The following COMMD1 variants were observed in gnomAD, a reference collection of about 807,000 sequenced individuals.
The protein encoded by COMMD1 is copper metabolism domain containing 1, also known as COMM domain-containing protein 1.
COMMD1 carries 10 observed loss-of-function variants against 17.2 expected under a neutral mutation model. That is an observed-to-expected ratio of 0.58 (90% CI 0.36 to 0.99). The LOEUF is 0.99. Ranked by LOEUF, COMMD1 falls within the 50% of genes least tolerant of loss-of-function variation. The pLI is 0.01. For synonymous variants in COMMD1, 97 were observed against 91.6 expected, an observed-to-expected ratio of 1.06 and a Z score of -0.34; for missense variants, 270 against 231.8, an observed-to-expected ratio of 1.17 and a Z score of -1.07.
rs113859756 is a variant in COMMD1, at chr2:61,951,335, C to T, written c.180+45477C>T. ...AAAAATTAGGCATGGTGGCGCGTGC[C>T]TGTAGTCCTAGCTACTTGGGAGGCT... On this transcript the variant is annotated intron_variant, in intron 1 of 2. Transcript: ENST00000311832. Among the ~76,000 whole-genome samples, 763 of 152,212 alleles carry T rather than the reference C, an allele frequency of 5.0e-3. 9 individuals carry two copies. Among genetic ancestry groups the T allele is most frequent in the African/African-American group, 0.016 (682 of 41,534 alleles).
At chr2:61,937,176 A>T (rs973269966) in intron 1 of COMMD1, among the ~76,000 whole-genome samples, 1 of 152,158 alleles carries the variant, frequency 6.6e-6, no homozygotes, top group Non-Finnish European at 1.5e-5. Flanking sequence ...TAGATTATAA[A>T]TGTTTCTTAT....
At chr2:62,105,134 A>G (rs1399840263) in intron 2 of COMMD1, among the ~76,000 whole-genome samples, 1 of 151,622 alleles carries the variant, frequency 6.6e-6, no homozygotes, top group Non-Finnish European at 1.5e-5. Context: ...TCAAAAAAAA[A>G]AAAAGAAAAA....
At chr2:62,030,732 C>A (rs931309128) in intron 2 of COMMD1, among the ~76,000 whole-genome samples, 5 of 152,014 alleles carry the variant, frequency 3.3e-5, no homozygotes, top group African/African-American at 1.2e-4. Flanking sequence ...TTTGCTGAAG[C>A]TTTAGAAGCC....
rs938871714 is a variant in COMMD1 at position 62,064,772 on chromosome 2, TCTAA to T, written c.462+63792_462+63795del. Among the ~76,000 whole-genome samples the T allele has an allele frequency of 2.7e-4, 41 of 152,326 alleles. 1 individual carries two copies. The highest frequency in any genetic ancestry group is 9.9e-4 in the African/African-American group (41 of 41,576). The stretch of plus-strand genomic sequence containing the variant: ...TTATTTCAAAAGAGGTATTTATTTA[TCTAA>T]CCTTTCTAAATTTTTAAAAGTTTTT... On this transcript the variant is annotated intron_variant, in intron 2 of 2. Transcript: ENST00000311832.
intron 2 of COMMD1, among the ~76,000 whole-genome samples, chr2:62,116,381 G>A (rs549424362): frequency 6.6e-5 from 10 of 152,226 alleles, no homozygotes; most frequent in African/African-American, 2.2e-4. Flanking sequence ...TAGTTAAGAT[G>A]TTTTTCTTGG....
chr2:61,896,604 T>G (rs1309897941), intron 1 of COMMD1, among the ~76,000 whole-genome samples: 1 of 152,014 alleles, frequency 6.6e-6, no homozygotes, highest in Non-Finnish European at 1.5e-5. Context: ...AATCTGATCT[T>G]GTTATTACTC....
At chr2:61,974,573 T>G (rs1294337850) in intron 1 of COMMD1, among the ~76,000 whole-genome samples, 1 of 147,694 alleles carries the variant, frequency 6.8e-6, no homozygotes, top group Non-Finnish European at 1.5e-5. Flanking sequence ...CTCAGGAGGC[T>G]GAGGCAGAGA....
chr2:61,990,889 AAAAT>A (rs1161680314), intron 1 of COMMD1, among the ~76,000 whole-genome samples: 369 of 98,226 alleles, frequency 3.8e-3, no homozygotes, highest in African/African-American at 0.013. Context: ...AAAAAAAAAA[AAAAT>A]ATATATATAT....
chr2:61,937,335 G>A (rs1670630687), intron 1 of COMMD1, among the ~76,000 whole-genome samples: 2 of 152,090 alleles, frequency 1.3e-5, no homozygotes, highest in South Asian at 4.2e-4. Flanking sequence ...GAGAGCCTTC[G>A]AATTTTCCCC....
At chr2:61,958,287 A>G (rs1319940866) in intron 1 of COMMD1, among the ~76,000 whole-genome samples, 1 of 134,924 alleles carries the variant, frequency 7.4e-6, no homozygotes, top group Non-Finnish European at 1.6e-5. Context: ...TTTTTTTGAG[A>G]TGAAGTTTTG....
intron 2 of COMMD1, among the ~76,000 whole-genome samples, chr2:62,083,624 TTTTG>T (rs1293677083): frequency 6.6e-6 from 1 of 152,262 alleles, no homozygotes; most frequent in East Asian, 1.9e-4. Context: ...ATTCAACTTT[TTTTG>T]TTCCTCTGTT....
At chr2:62,027,656 GTTGTGTTATGTTA>G (rs1669798349) in intron 2 of COMMD1, among the ~76,000 whole-genome samples, 1 of 131,958 alleles carries the variant, frequency 7.6e-6, no homozygotes, top group Non-Finnish European at 1.5e-5. Flanking sequence ...GTTATGTTAT[GTTGTGTTATGTTA>G]TGTTATGTTA....
At chr2:62,002,950 T>G (rs2103810390) in intron 2 of COMMD1, among the ~76,000 whole-genome samples, 1 of 152,134 alleles carries the variant, frequency 6.6e-6, no homozygotes, top group African/African-American at 2.4e-5. Context: ...GTCAGTTCTC[T>G]TGCTGGGCAC....
At chr2:61,979,345 C>T (rs1009641178) in intron 1 of COMMD1, among the ~76,000 whole-genome samples, 1 of 151,998 alleles carries the variant, frequency 6.6e-6, no homozygotes, top group Non-Finnish European at 1.5e-5. Context: ...GGCATGGTGG[C>T]AGGTACCTGT....
chr2:61,892,763 A>G (rs1669463490), intron 1 of COMMD1, among the ~76,000 whole-genome samples: 1 of 151,428 alleles, frequency 6.6e-6, no homozygotes, highest in Non-Finnish European at 1.5e-5. Context: ...GTTTTACTCC[A>G]ATTCAAAGAC....
chr2:61,903,455 A>G (rs111566998), upstream of COMMD1, among the ~76,000 whole-genome samples: 9,670 of 152,056 alleles, frequency 0.064, 562 homozygotes, highest in African/African-American at 0.15. Flanking sequence ...AAAAAAAAAA[A>G]AAGAATACCT....
chr2:61,965,651 A>C (rs1157895663), intron 1 of COMMD1, among the ~76,000 whole-genome samples: 3 of 152,222 alleles, frequency 2.0e-5, no homozygotes, highest in Non-Finnish European at 4.4e-5. Context: ...AAAGGTTTAC[A>C]AATGTACCAG....
At chr2:61,929,180 T>A (rs1398030451) in intron 1 of COMMD1, among the ~76,000 whole-genome samples, 1 of 152,230 alleles carries the variant, frequency 6.6e-6, no homozygotes, top group East Asian at 1.9e-4. Context: ...CAATAATTAT[T>A]TGAATTACTG....
At chr2:61,912,896 A>G (rs954344124) in intron 1 of COMMD1, among the ~76,000 whole-genome samples, 10 of 152,204 alleles carry the variant, frequency 6.6e-5, no homozygotes, top group African/African-American at 2.4e-4. Flanking sequence ...ACGTTTACAG[A>G]AAAAGTTTGC....
Sources: allele counts gnomAD v4.1 joint callset (sites outside exome capture counted in the v4.1 genomes callset), GRCh38; gene constraint gnomAD v4.1.1; transcripts MANE v1.5; gene names NCBI Gene and HGNC (gene_info 2026-07-23, HGNC 2026-07-21).